Variants in DPH6 observed in about 807,000 individuals in gnomAD.
The protein encoded by DPH6 is diphthamine biosynthesis 6.
In DPH6, 33 loss-of-function variants were observed where a neutral mutation model predicts 38.2. The ratio of observed to expected loss-of-function variants is 0.86; its 90% confidence interval spans 0.65 to 1.15. The LOEUF is 1.15. Ranked by LOEUF, DPH6 falls within the 50% of genes most tolerant of loss-of-function variation. The pLI, the probability that DPH6 is intolerant of heterozygous loss-of-function variation, is 0.00. For synonymous variants in DPH6, 108 were observed against 103.0 expected (o/e 1.05, Z -0.30); for missense variants, 325 against 320.0 (o/e 1.02, Z -0.12).
chr15:35,419,068 T>TACACACACAC (rs145718698), intron 5 of DPH6, among the ~76,000 whole-genome samples: 18,320 of 144,896 alleles, frequency 0.13, 1,282 homozygotes, highest in South Asian at 0.25. Flanking sequence ...CACACACACA[T>TACACACACAC]ACACACACAC....
the DPH6 span, among the ~76,000 whole-genome samples, chr15:35,186,808 GA>G: frequency 6.6e-6 from 1 of 152,216 alleles, no homozygotes; most frequent in Non-Finnish European, 1.5e-5. Context: ...CAAGGATGTG[GA>G]GAAACTGGGG....
the DPH6 span, among the ~76,000 whole-genome samples, chr15:35,194,552 TA>T: frequency 2.6e-5 from 4 of 152,228 alleles, no homozygotes; most frequent in Non-Finnish European, 5.9e-5. Flanking sequence ...TCATACTTAA[TA>T]ATAACCTATT....
rs183771648 is a variant in DPH6, at chr15:35,523,477, T to C, written c.312+14797A>G. Among the ~76,000 whole-genome samples the C allele has an allele frequency of 4.0e-4, 61 of 152,004 alleles. No individual in the cohort carries two copies. The East Asian group carries it at 0.011, about 27-fold the overall frequency. ...GTTGGTAGCTTTACATGAACCTATT[T>C]TATAACATTATATTATAGAACAAGA... On this transcript the variant is annotated intron_variant, in intron 3 of 8. Coordinates refer to ENST00000256538, the MANE Select transcript of DPH6 (RefSeq NM_080650.4).
At chr15:35,352,815 C>T (rs1035811578) in intron 3 of DPH6, among the ~76,000 whole-genome samples, 1 of 152,176 alleles carries the variant, frequency 6.6e-6, no homozygotes, top group African/African-American at 2.4e-5. Flanking sequence ...ATGGCTGGGT[C>T]AAATGATATT....
chr15:35,237,247 C>T, intron 3 of DPH6: 1 of 1,287,156 alleles, frequency 7.8e-7, no homozygotes, highest in African/African-American at 1.5e-5. Context: ...GCTGGTTGAG[C>T]CTTGAAAGTG....
chr15:35,519,629 C>T (rs1408505226), intron 3 of DPH6: 2 of 152,312 alleles, frequency 1.3e-5, no homozygotes, highest in East Asian at 3.9e-4. Flanking sequence ...AAAAAGGGGT[C>T]TCTTGTTTGA....
At chr15:35,496,121 T>C (rs2054545541) in intron 3 of DPH6, among the ~76,000 whole-genome samples, 1 of 152,218 alleles carries the variant, frequency 6.6e-6, no homozygotes, top group South Asian at 2.1e-4. Context: ...CATGACTTTG[T>C]GATACAGAAA....
chr15:35,318,509 AT>A (rs1437476072), intron 3 of DPH6, among the ~76,000 whole-genome samples: 1 of 152,162 alleles, frequency 6.6e-6, no homozygotes, highest in African/African-American at 2.4e-5. Context: ...GAGAATACAT[AT>A]TCTTTACAAG....
intron 3 of DPH6, among the ~76,000 whole-genome samples, chr15:35,351,600 A>G (rs1234280058): frequency 6.6e-6 from 1 of 152,160 alleles, no homozygotes; most frequent in Non-Finnish European, 1.5e-5. Context: ...GAGATCACAT[A>G]AAATATTTTA....
chr15:35,511,849 A>T (rs954679717), intron 3 of DPH6, among the ~76,000 whole-genome samples: 4 of 152,188 alleles, frequency 2.6e-5, no homozygotes, highest in Admixed American at 2.6e-4. Flanking sequence ...TATTTTGCAA[A>T]GTCTAAATAA....
Position 35,478,402 on chromosome 15 carries a change from C to T in DPH6, c.313-23582G>A, listed in dbSNP as rs1595399291. ...ACACACACACACACACACACACACACACAAAGATTGTAAAAATATGCAGTG... is the reference window on the plus strand; with the variant it reads ...ACACACACACACACACACACACACATACAAAGATTGTAAAAATATGCAGTG... On this transcript the variant is annotated intron_variant, in intron 3 of 8. Transcript: ENST00000256538. Among the ~76,000 whole-genome samples the T allele has an allele frequency of 2.3e-5, 3 of 129,544 alleles. No individual in the cohort carries two copies. In the South Asian group the frequency reaches 7.8e-4, roughly 34 times the overall value. The allele number at this position is 129,544 out of a possible 152,430, so 85.0% of individuals were successfully genotyped here. A position where few individuals can be genotyped will look rare whatever the true frequency, so the allele number is the denominator to read the frequency against.
chr15:35,222,722 C>T (rs549816912), intron 3 of DPH6, among the ~76,000 whole-genome samples: 3 of 152,208 alleles, frequency 2.0e-5, no homozygotes, highest in Non-Finnish European at 2.9e-5. Flanking sequence ...CAATCAGATA[C>T]GCATTTGTCT....
At chr15:35,475,219 A>G (rs1250410815) in intron 3 of DPH6, among the ~76,000 whole-genome samples, 1 of 152,048 alleles carries the variant, frequency 6.6e-6, no homozygotes, top group East Asian at 1.9e-4. Context: ...TATAGGTCTT[A>G]CTTATTTCCA....
At chr15:35,151,841 G>A in the DPH6 span, among the ~76,000 whole-genome samples, 48 of 152,314 alleles carry the variant, frequency 3.2e-4, no homozygotes, top group Admixed American at 2.0e-3. Flanking sequence ...AATAAGCGAC[G>A]CAGAACGAAA....
chr15:35,523,290 C>T (rs1276242716), intron 3 of DPH6, among the ~76,000 whole-genome samples: 1 of 146,114 alleles, frequency 6.8e-6, no homozygotes, highest in African/African-American at 2.5e-5. Flanking sequence ...CTGTGAAATG[C>T]CTGTTCATAT....
At chr15:35,177,600 A>AAATCATC in the DPH6 span, among the ~76,000 whole-genome samples, 18 of 134,466 alleles carry the variant, frequency 1.3e-4, no homozygotes, top group African/African-American at 4.4e-4. Context: ...AAAAAAAAAA[A>AAATCATC]ATCATCATCA....
chr15:35,202,286 C>T, the DPH6 span, among the ~76,000 whole-genome samples: 1 of 151,760 alleles, frequency 6.6e-6, no homozygotes, highest in African/African-American at 2.4e-5. Flanking sequence ...TATTAATTCA[C>T]TCCTAATGGT....
rs2051557507 is a variant in DPH6, at chr15:35,237,044, G to A, written n.201-16462C>T. ...AAGTTTTATACTGTACATCATGACT[G>A]TTTTTCTTGGGTTGGAATGCATGCA... On this transcript the variant is annotated intron_variant and non_coding_transcript_variant, in intron 3 of 3. Coordinates refer to the DPH6 transcript ENST00000560386. 9.3e-6 allele frequency: 4 copies of A among 431,602 alleles called. No homozygotes were observed. The Admixed American group carries it at 1.5e-4, about 17-fold the overall frequency. 26.7% of individuals were successfully genotyped at this position (431,602 alleles called of 1,614,324 possible).
At chr15:35,161,066 AC>A in the DPH6 span, among the ~76,000 whole-genome samples, 1 of 152,000 alleles carries the variant, frequency 6.6e-6, no homozygotes, top group Admixed American at 6.6e-5. Context: ...GGTGCAGCAC[AC>A]CAACATGGCA....
Sources: gnomAD v4.1 joint callset for allele counts (sites outside exome capture counted in the v4.1 genomes callset) on GRCh38, gnomAD v4.1.1 for gene constraint, MANE v1.5 for transcripts, NCBI Gene and HGNC (gene_info 2026-07-23, HGNC 2026-07-21) for gene names.